The following NBN variants were observed in gnomAD, a reference collection of about 807,000 sequenced individuals.
The protein encoded by NBN is Nijmegen breakage syndrome 1 (nibrin).
In NBN, 88 loss-of-function variants were observed where a neutral mutation model predicts 90.8. The observed-to-expected ratio is 0.97, with a 90% CI of 0.82 to 1.16. The LOEUF (loss-of-function observed/expected upper bound fraction) is 1.16, where lower values mean the gene tolerates loss of function less well. Ranked by LOEUF, NBN falls within the 50% of genes most tolerant of loss-of-function variation. The pLI is 0.00. For missense variants in NBN, 894 were observed against 869.6 expected, an observed-to-expected ratio of 1.03 and a Z score of -0.35; for synonymous variants, 328 against 295.1, an observed-to-expected ratio of 1.11 and a Z score of -1.14.
At chr8:89,940,143 G>A (rs1809872080) in intron 14 of NBN, among the ~76,000 whole-genome samples, 1 of 151,948 alleles carries the variant, frequency 6.6e-6, no homozygotes, top group African/African-American at 2.4e-5. Flanking sequence ...TGAAGTGCAG[G>A]GGCTCAATCA....
intron 9 of NBN, 45 bp downstream of exon 9, chr8:89,958,676 AATTT>A: frequency 6.3e-7 from 1 of 1,582,978 alleles, no homozygotes; most frequent in South Asian, 1.1e-5. Flanking sequence ...ATATACTATT[AATTT>A]ATTGATAGAA....
rs1297354269 is a variant in NBN, at chr8:89,953,707, AAAG to A, written c.1398-19_1398-17del. On this transcript the variant is annotated splice_polypyrimidine_tract_variant and intron_variant, in intron 10 of 15. Transcript: ENST00000265433. ...ATCCCTTTCCCTTAGATTTAAAAAAAAAGAAGAAAACAAAACAAGAAAATGAAC... is the reference window on the plus strand; with the variant it reads ...ATCCCTTTCCCTTAGATTTAAAAAAAAAGAAAACAAAACAAGAAAATGAAC... 3 of 1,589,208 alleles carry A rather than the reference AAAG, an allele frequency of 1.9e-6. No individual in the cohort carries two copies. Among genetic ancestry groups the A allele is most frequent in the Admixed American group, 1.7e-5 (1 of 58,286 alleles).
At chr8:89,960,161 G>A (rs763012168) in intron 8 of NBN, among the ~76,000 whole-genome samples, 2 of 152,106 alleles carry the variant, frequency 1.3e-5, no homozygotes, top group African/African-American at 4.8e-5. Context: ...CATTCTGCTA[G>A]GTCCTTGTGA....
chr8:89,975,593 C>T (rs190484617), intron 5 of NBN, among the ~76,000 whole-genome samples: 5 of 152,150 alleles, frequency 3.3e-5, no homozygotes, highest in East Asian at 3.9e-4. Flanking sequence ...CAGTTAACAC[C>T]GAATTAGGAG....
intron 4 of NBN, among the ~76,000 whole-genome samples, chr8:89,979,326 G>A (rs1010849658): frequency 4.6e-5 from 7 of 152,132 alleles, no homozygotes; most frequent in African/African-American, 9.7e-5. Flanking sequence ...CTAAATAGGG[G>A]CAAGCAGATT....
At chr8:89,954,295 T>C (rs749189159) in intron 10 of NBN, among the ~76,000 whole-genome samples, 3 of 152,142 alleles carry the variant, frequency 2.0e-5, no homozygotes, top group East Asian at 1.9e-4. Flanking sequence ...CAGGAGTTTA[T>C]TGGATTCATG....
At chr8:89,947,433 C>A (rs1663989461) in intron 12 of NBN, among the ~76,000 whole-genome samples, 1 of 152,032 alleles carries the variant, frequency 6.6e-6, no homozygotes, top group African/African-American at 2.4e-5. Context: ...AGTTCCAGAC[C>A]AGCCTGACCA....
At position 89,978,317 on chromosome 8, in the gene NBN, A is replaced by C; in HGVS notation, c.487T>G (p.Cys163Gly). 1 of 1,585,862 alleles carries C rather than the reference A, an allele frequency of 6.3e-7. No individual in the cohort carries two copies. Among genetic ancestry groups the C allele is most frequent in the South Asian group, 1.1e-5 (1 of 90,430 alleles). ...VSVKVTIKTI[C>G]ALICGRPIVK... ...ATTGGACGTCCACAAATGAGTGCAC[A>C]TATTGTCTACAATGAAGAAAACATG... The change falls in exon 5 of 16, where the codon TGT becomes GGT. Residue 163 changes from cysteine to glycine, a missense_variant. Cys to Gly is a radical substitution (Grantham distance 159, BLOSUM62 -3). Transcript: ENST00000265433.
chr8:89,971,219 T>C lies in NBN; in HGVS notation c.656A>G (p.Lys219Arg), dbSNP rs376951288. The C allele has an allele frequency of 4.3e-6, 7 of 1,613,140 alleles. No individual in the cohort carries two copies. Among genetic ancestry groups the C allele is most frequent in the African/African-American group, 2.7e-5 (2 of 74,900 alleles). ...NVDLSGRQER[K>R]QIFKGKTFIF... is the part of the protein sequence containing the mutation. ...AAATGTTTTCCCTTTGAAGATTTGT[T>C]TTCTTTCCTGCCGTCCTGACAGATC... Residue 219 changes from lysine to arginine, a missense_variant, in exon 6 of 16, where the codon AAA (lysine) becomes AGA (arginine). By Grantham distance (26) the Lys-to-Arg change is conservative. Transcript: ENST00000265433.
At chr8:89,937,436 T>A (rs1809744795) in intron 14 of NBN, 1 of 255,918 alleles carries the variant, frequency 3.9e-6, no homozygotes, top group African/African-American at 2.3e-5. Flanking sequence ...GGGCAACATT[T>A]ACCCCACCTT....
chr8:89,984,551 A>C lies in NBN; in HGVS notation c.11T>G (p.Leu4Arg), dbSNP rs748090667. ...TCCTGCCGGGCCCGCGGCGGGCAGC[A>C]GTTTCCACATCGGTCCGGCTCCTCA... is the stretch of plus-strand genomic sequence containing the variant. Reference protein sequence around the residue: MWKLLPAAGPAGGE... With the variant: MWKRLPAAGPAGGE... Residue 4 changes from leucine to arginine, a missense_variant, in exon 1 of 16, where the codon CTG becomes CGG. Leu to Arg is a moderately radical substitution (Grantham distance 102, BLOSUM62 -2). Transcript: ENST00000265433. The C allele has an allele frequency of 6.2e-7, 1 of 1,613,196 alleles. No homozygotes were observed. Among genetic ancestry groups the C allele is most frequent in the Non-Finnish European group, 8.5e-7 (1 of 1,179,786 alleles).
intron 7 of NBN, among the ~76,000 whole-genome samples, chr8:89,965,884 A>G (rs1225150822): frequency 6.6e-6 from 1 of 152,196 alleles, no homozygotes; most frequent in African/African-American, 2.4e-5. Flanking sequence ...ATTCAGTTAT[A>G]CGTGCAATTA....
intron 6 of NBN, 118 bp from the exon 7 acceptor site, chr8:89,970,675 T>C (rs1811473846): frequency 2.0e-6 from 2 of 1,011,668 alleles, no homozygotes; most frequent in Non-Finnish European, 3.0e-6. Flanking sequence ...ACTTCTTGAG[T>C]AGGTCATTTC....
intron 8 of NBN, among the ~76,000 whole-genome samples, 186 bp from the exon 9 acceptor site, chr8:89,959,040 G>C (rs1014222102): frequency 6.6e-6 from 1 of 152,168 alleles, no homozygotes; most frequent in African/African-American, 2.4e-5. Context: ...GGGCATCTAT[G>C]ACGGGCTTAT....
Position 89,984,613 on chromosome 8 carries a change from G to T in NBN, c.-52C>A. ...GACGTGCAACCGCGTAACCGGGGCT[G>T]CTAGACGAGCGCGGATACGGCGCCT... On this transcript the variant is annotated 5_prime_UTR_variant, in exon 1 of 16. Transcript: ENST00000265433. 2 of 1,605,588 alleles carry T rather than the reference G, an allele frequency of 1.2e-6. No individual in the cohort carries two copies. Among genetic ancestry groups the T allele is most frequent in the Middle Eastern group, 1.8e-4 (1 of 5,604 alleles).
rs575702066 is a variant in NBN, at chr8:89,967,652, A to C, written c.896+2712T>G. On this transcript the variant is annotated intron_variant, in intron 7 of 15. Transcript: ENST00000265433. ...AATTAATAACAGGAAGAGTTACCAA[A>C]TTTGAGCTGAGATACCGGAAAAAGG... Among the ~76,000 whole-genome samples the C allele has an allele frequency of 9.2e-5, 14 of 152,322 alleles. No individual in the cohort carries two copies. In the South Asian group the frequency reaches 2.9e-3, roughly 32 times the overall value.
At chr8:89,957,288 T>A (rs925325708) in intron 9 of NBN, among the ~76,000 whole-genome samples, 17 of 152,216 alleles carry the variant, frequency 1.1e-4, no homozygotes, top group African/African-American at 3.9e-4. Flanking sequence ...AACATGTATG[T>A]TTATGTCTTT....
At chr8:89,958,042 G>T (rs988771660) in intron 9 of NBN, among the ~76,000 whole-genome samples, 1 of 152,320 alleles carries the variant, frequency 6.6e-6, no homozygotes, top group Non-Finnish European at 1.5e-5. Flanking sequence ...ATGGGAGACA[G>T]TGACAGATCA....
rs200399787 is a variant in NBN, at chr8:89,946,203, G to A, written c.2007C>T (p.Ser669=). Residue 669 remains serine, a synonymous_variant, in exon 13 of 16, where the codon TCC becomes TCT. Transcript: ENST00000265433. The part of the protein sequence containing the change: ...FRSLVIKNST[S]RNPSGINDDY... ...CATCATTTATGCCAGATGGATTTCT[G>A]GAAGTAGAGTTTTTAATCACCAGTG... 2.5e-6 allele frequency: 4 copies of A among 1,601,350 alleles called. No homozygotes were observed. The highest frequency in any genetic ancestry group is 3.4e-6 in the Non-Finnish European group (4 of 1,169,036).
Sources: allele counts gnomAD v4.1 joint callset (sites outside exome capture counted in the v4.1 genomes callset), GRCh38; gene constraint gnomAD v4.1.1; transcripts MANE v1.5; gene names NCBI Gene and HGNC (gene_info 2026-07-23, HGNC 2026-07-21).